STX8: variants seen among roughly 807,000 people sequenced by gnomAD.
STX8 encodes syntaxin-8.
STX8 carries 23 observed loss-of-function variants against 37.5 expected under a neutral mutation model. The ratio of observed to expected loss-of-function variants is 0.61; its 90% confidence interval spans 0.44 to 0.87. The LOEUF (loss-of-function observed/expected upper bound fraction) is 0.87. Ranked by LOEUF, STX8 falls within the 40% of genes least tolerant of loss-of-function variation. The pLI, the probability that STX8 is intolerant of heterozygous loss-of-function variation, is 0.00. For missense variants in STX8, 313 were observed against 284.7 expected (o/e 1.10, Z -0.71); for synonymous variants, 115 against 99.1 (o/e 1.16, Z -0.95).
Position 9,266,484 on chromosome 17 carries a change from G to A in STX8, c.644-15839C>T, listed in dbSNP as rs991700965. Among the ~76,000 whole-genome samples the A allele has an allele frequency of 2.0e-5, 3 of 152,300 alleles. No homozygotes were observed. The South Asian group carries it at 6.2e-4, about 32-fold the overall frequency. The stretch of plus-strand genomic sequence containing the variant: ...TACTTCAGCGCCGTGCTGGCTGAGA[G>A]CTGCAAAGTGTTGGCCACCAGCTGG... On this transcript the variant is annotated intron_variant, in intron 7 of 7. Transcript: ENST00000306357.
intron 7 of STX8, among the ~76,000 whole-genome samples, chr17:9,255,549 AATAAATAT>A (rs1273487072): frequency 0.014 from 961 of 69,114 alleles, 7 homozygotes; most frequent in South Asian, 0.073. Context: ...TAAATAAATA[AATAAATAT>A]ATAAATAAAT....
At chr17:9,305,058 T>C (rs1163980375) in intron 7 of STX8, among the ~76,000 whole-genome samples, 3 of 151,940 alleles carry the variant, frequency 2.0e-5, no homozygotes, top group East Asian at 3.9e-4. Context: ...ACTTTCGGTA[T>C]AGTATTCAAT....
chr17:9,327,215 A>G (rs773343422), intron 7 of STX8, among the ~76,000 whole-genome samples: 4 of 149,968 alleles, frequency 2.7e-5, no homozygotes, highest in Admixed American at 6.6e-5. Context: ...AAGGAGGAAG[A>G]AGGAGGAAGA....
intron 6 of STX8, among the ~76,000 whole-genome samples, chr17:9,419,979 G>A (rs752745543): frequency 6.6e-6 from 1 of 152,136 alleles, no homozygotes; most frequent in South Asian, 2.1e-4. Context: ...GTGGTTTATT[G>A]TGCAGTGGCG....
chr17:9,276,502 C>T (rs1030895127), intron 7 of STX8, among the ~76,000 whole-genome samples: 5 of 152,072 alleles, frequency 3.3e-5, no homozygotes, highest in African/African-American at 1.2e-4. Flanking sequence ...GGGTCATCAG[C>T]AAGATGACTG....
intron 6 of STX8, among the ~76,000 whole-genome samples, chr17:9,430,179 TATAA>T (rs564114654): frequency 0.04 from 4,817 of 119,126 alleles, 288 homozygotes; most frequent in African/African-American, 0.14. Context: ...ATAATTTATA[TATAA>T]ATAAAATATA....
intron 7 of STX8, among the ~76,000 whole-genome samples, chr17:9,321,387 G>A (rs542923065): frequency 2.6e-3 from 401 of 151,956 alleles, no homozygotes; most frequent in African/African-American, 7.9e-3. Flanking sequence ...AAAATTAGCC[G>A]GGCGTGGTGG....
chr17:9,299,145 G>T (rs903233657), intron 7 of STX8, among the ~76,000 whole-genome samples: 8 of 152,152 alleles, frequency 5.3e-5, no homozygotes, highest in Non-Finnish European at 1.2e-4. Context: ...GACTTCAGAT[G>T]GCACTGGTGA....
intron 2 of STX8, among the ~76,000 whole-genome samples, chr17:9,567,718 A>G (rs1907517532): frequency 6.6e-6 from 1 of 152,124 alleles, no homozygotes; most frequent in African/African-American, 2.4e-5. Context: ...ACAGGGTCTC[A>G]CTCTGTTGCC....
intron 6 of STX8, among the ~76,000 whole-genome samples, chr17:9,425,656 T>C (rs1913599734): frequency 6.6e-6 from 1 of 152,208 alleles, no homozygotes; most frequent in South Asian, 2.1e-4. Flanking sequence ...TGTGTTAAGA[T>C]GTTATCTTCA....
At chr17:9,255,696 A>G (rs923447368) in intron 7 of STX8, among the ~76,000 whole-genome samples, 1 of 152,162 alleles carries the variant, frequency 6.6e-6, no homozygotes, top group Non-Finnish European at 1.5e-5. Context: ...ATGACAAATA[A>G]GGCTTTTATA....
chr17:9,398,497 A>G (rs1411203135), intron 6 of STX8, among the ~76,000 whole-genome samples: 1 of 152,222 alleles, frequency 6.6e-6, no homozygotes, highest in Non-Finnish European at 1.5e-5. Flanking sequence ...AACTAAATAT[A>G]ATGCCGTATC....
chr17:9,261,971 G>A (rs1238335762), intron 7 of STX8, among the ~76,000 whole-genome samples: 5 of 152,170 alleles, frequency 3.3e-5, no homozygotes, highest in South Asian at 2.1e-4. Context: ...CAGTCAGGCT[G>A]TGGATTCGGC....
intron 4 of STX8, among the ~76,000 whole-genome samples, chr17:9,544,691 C>T (rs1239933454): frequency 6.6e-6 from 1 of 151,992 alleles, no homozygotes; most frequent in African/African-American, 2.4e-5. Flanking sequence ...TTTACTAAAC[C>T]CAGAAAATTA....
chr17:9,414,700 CT>C (rs1346076597), intron 6 of STX8, among the ~76,000 whole-genome samples: 1 of 149,898 alleles, frequency 6.7e-6, no homozygotes, highest in Admixed American at 6.6e-5. Flanking sequence ...CTGTTTGTGT[CT>C]GTTTTGGGTC....
intron 3 of STX8, among the ~76,000 whole-genome samples, chr17:9,547,787 T>G (rs112079756): frequency 2.1e-5 from 3 of 140,914 alleles, no homozygotes; most frequent in African/African-American, 8.5e-5. Flanking sequence ...CTTTTCTTTT[T>G]TTTTTTTTTG....
chr17:9,288,666 T>TAAATAAATA (rs1311244490), intron 7 of STX8, among the ~76,000 whole-genome samples: 83 of 149,058 alleles, frequency 5.6e-4, no homozygotes, highest in African/African-American at 2.0e-3. Flanking sequence ...CGTCTCGAAA[T>TAAATAAATA]AAATAAATAA....
rs928970008 is a variant in STX8, at chr17:9,250,635, C to T, written c.654G>A (p.Met218Ile). ...TAGCCACAAGCAGCAGTAAAATCAC[C>T]ATGATCATCCCTGGAAAAAAGCAGC... ...DRKSASCGMIMVILLLLVAIV... is the reference protein window; with the variant it reads ...DRKSASCGMIIVILLLLVAIV... The change falls in exon 8 of 8, where the codon ATG becomes ATA. Residue 218 changes from methionine (M) to isoleucine (I), a missense_variant. Coordinates refer to ENST00000306357, the MANE Select transcript of STX8 (RefSeq NM_004853.3). 6.3e-7 allele frequency: 1 copy of T among 1,597,938 alleles called. No individual in the cohort carries two copies. Among genetic ancestry groups the T allele is most frequent in the Admixed American group, 1.7e-5 (1 of 57,254 alleles).
chr17:9,549,582 A>G (rs1738523671), intron 3 of STX8, among the ~76,000 whole-genome samples: 1 of 152,194 alleles, frequency 6.6e-6, no homozygotes, highest in African/African-American at 2.4e-5. Context: ...ACTTCTTAGA[A>G]TCCTGATAAA....
Sources: allele counts gnomAD v4.1 joint callset (sites outside exome capture counted in the v4.1 genomes callset), GRCh38; gene constraint gnomAD v4.1.1; transcripts MANE v1.5; gene names NCBI Gene and HGNC (gene_info 2026-07-23, HGNC 2026-07-21).